NAV2: variants seen among roughly 807,000 people sequenced by gnomAD.
NAV2 encodes the protein helicase, APC down-regulated 1.
Under a neutral mutation model 223.2 loss-of-function variants are expected in NAV2, and 54 were observed. The observed-to-expected ratio is 0.24, with a 90% CI of 0.19 to 0.30. NAV2 has a LOEUF of 0.30. Among genes scored for constraint, NAV2 ranks in the 10% least tolerant of loss-of-function variants. NAV2 has a pLI of 1.00. For synonymous variants in NAV2, 1,279 were observed against 1,239.3 expected, an observed-to-expected ratio of 1.03 and a Z score of -0.67; for missense variants, 2,806 against 3,147.5, an observed-to-expected ratio of 0.89 and a Z score of 2.60.
intron 1 of NAV2, among the ~76,000 whole-genome samples, chr11:19,550,407 C>T (rs764163735): frequency 4.6e-5 from 7 of 152,172 alleles, no homozygotes; most frequent in South Asian, 2.1e-4. Context: ...TGAAACTTCA[C>T]GAAATCTCCC....
At chr11:19,547,545 A>G (rs1330575621) in intron 1 of NAV2, among the ~76,000 whole-genome samples, 1 of 152,090 alleles carries the variant, frequency 6.6e-6, no homozygotes, top group African/African-American at 2.4e-5. Flanking sequence ...CTGTGTAATC[A>G]GGCAGAGAGG....
rs148351125 is a variant in NAV2, at chr11:19,796,822, G to A, written c.268-35662G>A. Among the ~76,000 whole-genome samples, 353 of 152,278 alleles carry A rather than the reference G, an allele frequency of 2.3e-3. 2 individuals carry two copies. The highest frequency in any genetic ancestry group is 7.6e-3 in the African/African-American group (317 of 41,546). On this transcript the variant is annotated intron_variant, in intron 1 of 37. Transcript: ENST00000349880. ...TTCTCTTCTTCCTGTGGCCTTGCTG[G>A]TACTTGCTGCTTGTTACCATGTAGC... is the stretch of plus-strand genomic sequence containing the variant.
intron 12 of NAV2, among the ~76,000 whole-genome samples, chr11:20,037,937 C>A (rs952082974): frequency 3.3e-5 from 5 of 151,692 alleles, no homozygotes; most frequent in Non-Finnish European, 7.4e-5. Context: ...GCTCACCCTG[C>A]ATCTACATAT....
At chr11:19,990,364 A>G (rs2051206180) in intron 11 of NAV2, among the ~76,000 whole-genome samples, 1 of 152,128 alleles carries the variant, frequency 6.6e-6, no homozygotes, top group South Asian at 2.1e-4. Context: ...ATCTGCAGAG[A>G]TTCTGCAGTC....
chr11:19,561,043 C>A (rs552371862), intron 1 of NAV2, among the ~76,000 whole-genome samples: 1 of 152,286 alleles, frequency 6.6e-6, no homozygotes, highest in African/African-American at 2.4e-5. Context: ...CCTCTTTTTC[C>A]GTTAAGACCA....
At chr11:20,036,419 G>A (rs1015851705) in intron 12 of NAV2, among the ~76,000 whole-genome samples, 8 of 152,212 alleles carry the variant, frequency 5.3e-5, no homozygotes, top group Non-Finnish European at 8.8e-5. Context: ...TGGGACTTTA[G>A]CAATTTTCAG....
In NAV2 at chr11:19,552,763, G is replaced by A. The variant is rs111428246; in HGVS notation, c.75+201736G>A. On this transcript the variant is annotated intron_variant, in intron 1 of 37. Transcript: ENST00000360655. ...AACAGCATTCATTGGCCAGCGTGCT[G>A]TGAGGATTTTCTGCCTTAAAGTAGC... is the stretch of plus-strand genomic sequence containing the variant. 5.6e-3 allele frequency among the ~76,000 whole-genome samples: 846 copies of A among 152,288 alleles called. 6 individuals carry two copies. The highest frequency in any genetic ancestry group is 0.019 in the African/African-American group (792 of 41,554).
intron 1 of NAV2, among the ~76,000 whole-genome samples, chr11:19,441,442 ACACACG>A (rs1851398558): frequency 7.3e-6 from 1 of 136,432 alleles, no homozygotes; most frequent in African/African-American, 3.1e-5. Context: ...ACACACACAC[ACACACG>A]CACACACACA....
At chr11:19,710,556 A>T (rs2049834102), upstream of NAV2, among the ~76,000 whole-genome samples, 2 of 152,226 alleles carry the variant, frequency 1.3e-5, no homozygotes, top group Non-Finnish European at 2.9e-5. Flanking sequence ...AGGGCTTTTG[A>T]TTCAATAGGT....
At chr11:19,411,835 C>T (rs1850159341) in intron 1 of NAV2, among the ~76,000 whole-genome samples, 1 of 152,156 alleles carries the variant, frequency 6.6e-6, no homozygotes, top group Non-Finnish European at 1.5e-5. Context: ...GAAACACTGG[C>T]TGCACTGGGG....
intron 29 of NAV2, among the ~76,000 whole-genome samples, chr11:20,094,410 A>G (rs969243758): frequency 2.0e-5 from 3 of 151,640 alleles, no homozygotes; most frequent in African/African-American, 7.3e-5. Flanking sequence ...TTGTATTTTT[A>G]GTAGAGATGG....
intron 1 of NAV2, among the ~76,000 whole-genome samples, chr11:19,438,376 C>T (rs944037217): frequency 1.3e-5 from 2 of 152,200 alleles, no homozygotes; most frequent in Admixed American, 1.3e-4. Context: ...ATGCAAGCAG[C>T]CCTATTCTCA....
At chr11:19,793,929 G>T (rs532267328) in intron 1 of NAV2, among the ~76,000 whole-genome samples, 1 of 152,104 alleles carries the variant, frequency 6.6e-6, no homozygotes, top group African/African-American at 2.4e-5. Context: ...CGGAGAGGCC[G>T]CCGGGACCCC....
intron 1 of NAV2, among the ~76,000 whole-genome samples, chr11:19,820,106 G>A (rs1446753187): frequency 6.6e-6 from 1 of 152,238 alleles, no homozygotes; most frequent in African/African-American, 2.4e-5. Context: ...CAACTGGATG[G>A]AGGCTACGAC....
Position 19,912,966 on chromosome 11 carries a change from C to T in NAV2, c.932-20210C>T, listed in dbSNP as rs1337584864. On this transcript the variant is annotated intron_variant, in intron 6 of 37. Coordinates refer to ENST00000349880, the MANE Select transcript of NAV2 (RefSeq NM_145117.5). ...GACCCTCCTCCTAATAAACTGATAT[C>T]CTTCAGGTTTATTTGGTTTAACTCC... Among the ~76,000 whole-genome samples, 8 of 152,296 alleles carry T rather than the reference C, an allele frequency of 5.3e-5. No individual in the cohort carries two copies. In the East Asian group the frequency reaches 1.2e-3, roughly 22 times the overall value.
chr11:19,409,768 T>G (rs890720470), intron 1 of NAV2, among the ~76,000 whole-genome samples: 4 of 152,190 alleles, frequency 2.6e-5, no homozygotes, highest in African/African-American at 9.6e-5. Context: ...ATGAAGAAAC[T>G]GAGACTCACA....
At chr11:19,967,171 C>T (rs554469775) in intron 10 of NAV2, among the ~76,000 whole-genome samples, 108 of 152,276 alleles carry the variant, frequency 7.1e-4, no homozygotes, top group African/African-American at 2.6e-3. Context: ...CGGCCAGTTT[C>T]AGGAAGCTTG....
chr11:19,378,141 T>C (rs1201968969), intron 1 of NAV2, among the ~76,000 whole-genome samples: 1 of 152,202 alleles, frequency 6.6e-6, no homozygotes, highest in Admixed American at 6.5e-5. Context: ...AGTGAAGTGA[T>C]GCGTACCGCA....
chr11:19,576,855 G>C (rs2045585319), intron 1 of NAV2, among the ~76,000 whole-genome samples: 4 of 152,308 alleles, frequency 2.6e-5, no homozygotes, highest in South Asian at 2.1e-4. Flanking sequence ...GGATGGAATG[G>C]ATGTGTCTGT....
Sources: gnomAD v4.1 joint callset for allele counts (sites outside exome capture counted in the v4.1 genomes callset) on GRCh38, gnomAD v4.1.1 for gene constraint, MANE v1.5 for transcripts, NCBI Gene and HGNC (gene_info 2026-07-23, HGNC 2026-07-21) for gene names.